The following HR variants were observed in gnomAD, a reference collection of about 807,000 sequenced individuals.
HR encodes the protein lysine-specific demethylase hairless.
A neutral mutation model predicts 128.6 loss-of-function variants in HR; 83 were observed. The ratio of observed to expected loss-of-function variants is 0.65; its 90% CI spans 0.54 to 0.77. The LOEUF is 0.77. HR is among the 30% of genes least tolerant of loss of function. The probability of loss-of-function intolerance (pLI) is 0.00; values close to 1 mark genes in which losing one functional copy is unlikely to be tolerated. For synonymous variants in HR, 681 were observed against 658.2 expected, an observed-to-expected ratio of 1.03 and a Z score of -0.53; for missense variants, 1,490 against 1,574.6, an observed-to-expected ratio of 0.95 and a Z score of 0.91.
At chr8:22,124,464 A>G (rs1826835341) in intron 5 of HR, among the ~76,000 whole-genome samples, 1 of 152,232 alleles carries the variant, frequency 6.6e-6, no homozygotes, top group Non-Finnish European at 1.5e-5. Flanking sequence ...GGTGTCGCTG[A>G]GTACAATTCA....
rs765559000 is a variant in HR at position 22,127,687 on chromosome 8, T to A, written c.755A>T (p.Asp252Val). Reference protein sequence around the residue: ...EAERPSLHQRDGEMGAGRQQN... With the variant: ...EAERPSLHQRVGEMGAGRQQN... Reference sequence around the variant, plus strand: ...CTGCCGGCCAGCTCCCATCTCTCCATCCCTCTGGTGCAGTGAAGGGCGTTC... The same window carrying A: ...CTGCCGGCCAGCTCCCATCTCTCCAACCCTCTGGTGCAGTGAAGGGCGTTC... Residue 252 changes from aspartate to valine, a missense_variant, in exon 3 of 19, where the codon GAT becomes GTT. Physicochemically the swap from Asp to Val is radical, Grantham distance 152 (BLOSUM62 -3). This residue lies in a region of HR where 1,060 missense variants were observed against 1,060.9 expected (regional missense o/e 1.00). Coordinates refer to ENST00000381418, the MANE Select transcript of HR (RefSeq NM_005144.5). The A allele has an allele frequency of 8.1e-6, 13 of 1,609,774 alleles. No individual in the cohort carries two copies. In the South Asian group the frequency reaches 1.3e-4, roughly 16 times the overall value.
intron 13 of HR, 51 bp downstream of exon 13, chr8:22,120,053 C>CG: frequency 6.4e-7 from 1 of 1,563,756 alleles, no homozygotes; most frequent in Non-Finnish European, 8.7e-7. Flanking sequence ...CTGAACCAGG[C>CG]GGGGCCTGCG....
chr8:22,117,907 T>C (rs1826632000), intron 16 of HR: 1 of 152,258 alleles, frequency 6.6e-6, no homozygotes, highest in Non-Finnish European at 1.5e-5. Flanking sequence ...TCCTTTGCCC[T>C]TGGAGATTCA....
intron 18 of HR, 92 bp from the exon 19 acceptor site, chr8:22,115,854 G>T: frequency 7.8e-7 from 1 of 1,276,466 alleles, no homozygotes; most frequent in Non-Finnish European, 1.1e-6. Flanking sequence ...ACTCTGGCCA[G>T]ATGCGGTGGC....
chr8:22,129,554 G>C (rs534642269), intron 1 of HR, among the ~76,000 whole-genome samples: 1 of 152,246 alleles, frequency 6.6e-6, no homozygotes, highest in African/African-American at 2.4e-5. Flanking sequence ...GAAGAAAAAG[G>C]CTGGATCCTG....
chr8:22,116,487 CT>C lies in HR; in HGVS notation c.3379-60del, dbSNP rs1189716230. On this transcript the variant is annotated intron_variant, in intron 17 of 18. Coordinates refer to ENST00000381418, the MANE Select transcript of HR (RefSeq NM_005144.5). The surrounding 1 kb of genome is among the most constrained non-coding windows in gnomAD (Gnocchi z 4.2). ...GATCACACATCCTCTCCCTGTCCCCCTGGTCCCTGAGGTTCGCTTCCTCTAA... is the reference window on the plus strand; with the variant it reads ...GATCACACATCCTCTCCCTGTCCCCCGGTCCCTGAGGTTCGCTTCCTCTAA... 5.7e-6 allele frequency: 9 copies of C among 1,582,646 alleles called. No individual in the cohort carries two copies. The Admixed American group carries it at 1.4e-4, about 25-fold the overall frequency.
intron 12 of HR, 81 bp from the exon 13 acceptor site, chr8:22,120,254 C>A (rs1239312730): frequency 6.2e-7 from 1 of 1,608,664 alleles, no homozygotes; most frequent in African/African-American, 1.3e-5. Context: ...TGCTTCCAGC[C>A]CCTCGGGGTC....
chr8:22,119,966 G>A lies in HR; in HGVS notation c.2847-76C>T, dbSNP rs1826693629. 27 of 1,607,276 alleles carry A rather than the reference G, an allele frequency of 1.7e-5. No homozygotes were observed. The South Asian group carries it at 2.5e-4, about 15-fold the overall frequency. ...CCCCATCAAAGCCCCACCACCACCG[G>A]GGTAACTCCCAGAGGGCAAACATGA... On this transcript the variant is annotated intron_variant, in intron 13 of 18. Transcript: ENST00000381418.
At chr8:22,124,583 G>A (rs1826838554) in intron 5 of HR, among the ~76,000 whole-genome samples, 1 of 152,232 alleles carries the variant, frequency 6.6e-6, no homozygotes, top group Non-Finnish European at 1.5e-5. Flanking sequence ...ATACAGCGAT[G>A]ACTGTGGCAC....
rs549424161 is a variant in HR, at chr8:22,127,136, G to C, written c.1306C>G (p.Pro436Ala). The C allele has an allele frequency of 2.0e-5, 32 of 1,612,182 alleles. No individual in the cohort carries two copies. The East Asian group carries it at 2.9e-4, about 15-fold the overall frequency. The change falls in exon 3 of 19, where the codon CCA (proline) becomes GCA (alanine). Residue 436 changes from proline to alanine, a missense_variant. Physicochemically the swap from Pro to Ala is conservative, Grantham distance 27 (BLOSUM62 -1). Around this residue, in one of 3 missense-constraint regions of HR, gnomAD observed 1,060 missense variants for 1,060.9 expected, o/e 1.00. Coordinates refer to ENST00000381418, the MANE Select transcript of HR (RefSeq NM_005144.5). ...CCAGCCCCCTGTTCTGCAGTGCCTG[G>C]AAAAGGGTCCGGTGGCCGCTTGGGG... ...PAPKRPPDPF[P>A]GTAEQGAGGW...
At position 22,115,641 on chromosome 8, in the gene HR, C is replaced by CTGAAG. The variant is rs1826566443; in HGVS notation, c.*58_*59insCTTCA. On this transcript the variant is annotated 3_prime_UTR_variant, in exon 19 of 19. Transcript: ENST00000381418. ...AGCGCCATCCCCTGCTGAAGTTGTG[C>CTGAAG]CTGGGCTGAGCACCTGGTCTACCTG... 4.0e-6 allele frequency: 6 copies of CTGAAG among 1,493,592 alleles called. No individual in the cohort carries two copies. Among genetic ancestry groups the CTGAAG allele is most frequent in the Non-Finnish European group, 4.7e-6 (5 of 1,071,156 alleles). 92.5% of individuals were successfully genotyped at this position (1,493,592 alleles called of 1,614,324 possible).
Position 22,121,133 on chromosome 8 carries a change from C to T in HR, c.2299G>A (p.Val767Ile). 1 of 1,613,924 alleles carries T rather than the reference C, an allele frequency of 6.2e-7. No homozygotes were observed. The highest frequency in any genetic ancestry group is 8.5e-7 in the Non-Finnish European group (1 of 1,180,032). ...SLCELLASTA[V>I]KLCLGHERIH... Reference sequence around the variant, plus strand: ...CGCTCATGGCCCAAGCAGAGTTTGACCGCGGTAGAAGCCAGCAGTTCGCAG... The same window carrying T: ...CGCTCATGGCCCAAGCAGAGTTTGATCGCGGTAGAAGCCAGCAGTTCGCAG... The change falls in exon 10 of 19, where the codon GTC becomes ATC. Residue 767 changes from valine to isoleucine, a missense_variant. Transcript: ENST00000381418.
rs1826978511 is a variant in HR at position 22,128,978 on chromosome 8, A to G, written c.193T>C (p.Phe65Leu). ...STPDSWLPPG[F>L]PQGPKDMLPL... ...AGCATGTCCTTGGGGCCCTGGGGGA[A>G]GCCAGGGGGAAGCCAGGAGTCTGGG... The change falls in exon 2 of 19, where the codon TTC becomes CTC. Residue 65 changes from phenylalanine (F) to leucine (L), a missense_variant. Transcript: ENST00000381418. 2.5e-6 allele frequency: 4 copies of G among 1,613,160 alleles called. No individual in the cohort carries two copies. The Admixed American group carries it at 6.7e-5, about 27-fold the overall frequency.
chr8:22,120,732 T>C lies in HR; in HGVS notation c.2594A>G (p.His865Arg), dbSNP rs1465641375. 4 of 1,504,414 alleles carry C rather than the reference T, an allele frequency of 2.7e-6. No individual in the cohort carries two copies. The highest frequency in any genetic ancestry group is 4.3e-4 in the Middle Eastern group (2 of 4,598). 93.2% of individuals were successfully genotyped at this position (1,504,414 alleles called of 1,614,324 possible). ...GTGCCTCACCTGGCCCTGCCTCCAG[T>C]GCTCCTGGAAGAGGTGGAAGCCACG... ...PRRGFHLFQE[H>R]WRQGQPVLVS... Residue 865 changes from histidine to arginine, a missense_variant, in exon 11 of 19, where the codon CAC becomes CGC. Physicochemically the swap from His to Arg is conservative, Grantham distance 29 (BLOSUM62 0). Around this residue, in one of 3 missense-constraint regions of HR, gnomAD observed 423 missense variants for 495.9 expected, o/e 0.85. Transcript: ENST00000381418.
chr8:22,123,885 G>A, intron 5 of HR, 72 bp from the exon 6 acceptor site: 9 of 1,513,092 alleles, frequency 5.9e-6, no homozygotes, highest in Non-Finnish European at 7.1e-6. Flanking sequence ...CACGTGGGAA[G>A]GATCCAAGGA....
In HR at chr8:22,120,760, G is replaced by T; in HGVS notation, c.2566C>A (p.Arg856=). 1 of 1,520,650 alleles carries T rather than the reference G, an allele frequency of 6.6e-7. No individual in the cohort carries two copies. Among genetic ancestry groups the T allele is most frequent in the Non-Finnish European group, 8.8e-7 (1 of 1,132,270 alleles). 94.2% of individuals were successfully genotyped at this position (1,520,650 alleles called of 1,614,324 possible). A position where few individuals can be genotyped will look rare whatever the true frequency, so the allele number is the denominator to read the frequency against. ...LWLQEPQPCP[R]RGFHLFQEHW... is the part of the protein sequence containing the mutation. ...TCCTGGAAGAGGTGGAAGCCACGCC[G>T]AGGGCAAGGCTGGGGCTCCTGCAGC... The change falls in exon 11 of 19, where the codon CGG becomes AGG. Residue 856 remains arginine, a synonymous_variant. Transcript: ENST00000381418.
Position 22,122,470 on chromosome 8 carries a change from C to A in HR, c.2121+23G>T, listed in dbSNP as rs146248234. On this transcript the variant is annotated intron_variant, in intron 8 of 18. Transcript: ENST00000381418. ...GCCATTTGCAGGCACGATACCCAAC[C>A]GGTGACATGCCCTGGGTCTTACCTG... The A allele has an allele frequency of 9.1e-4, 1,414 of 1,555,366 alleles. 21 individuals are homozygous for A. In the East Asian group the frequency reaches 0.028, roughly 31 times the overall value.
rs1476358266 is a variant in HR at position 22,120,345 on chromosome 8, C to G, written c.2773G>C (p.Glu925Gln). 6.2e-7 allele frequency: 1 copy of G among 1,613,796 alleles called. No individual in the cohort carries two copies. Among genetic ancestry groups the G allele is most frequent in the Non-Finnish European group, 8.5e-7 (1 of 1,180,014 alleles). ...CCCCTGTGTTGGGGACACTTACGCTCAGGCCAGGAGAAGCCCTCCCAGAAT... is the reference window on the plus strand; with the variant it reads ...CCCCTGTGTTGGGGACACTTACGCTGAGGCCAGGAGAAGCCCTCCCAGAAT... ...TTFWEGFSWP[E>Q]LRPKSDEGSV... is the part of the protein sequence containing the mutation. The change falls in exon 12 of 19, where the codon GAG becomes CAG. Residue 925 changes from glutamate to glutamine, a missense_variant. This residue lies in a region of HR where 423 missense variants were observed against 495.9 expected (regional missense o/e 0.85). Transcript: ENST00000381418.
intron 1 of HR, among the ~76,000 whole-genome samples, 198 bp downstream of exon 1, chr8:22,130,229 AG>A (rs1827014778): frequency 6.6e-6 from 1 of 152,212 alleles, no homozygotes; most frequent in African/African-American, 2.4e-5. Flanking sequence ...GTGACGGCGC[AG>A]TGGCAGAGGG....
Sources: gnomAD v4.1 joint callset for allele counts (sites outside exome capture counted in the v4.1 genomes callset) on GRCh38, gnomAD v4.1.1 for gene constraint, gnomAD v4.1.1 regional missense constraint, Gnocchi (gnomAD v3.1) non-coding constraint, MANE v1.5 for transcripts, NCBI Gene and HGNC (gene_info 2026-07-23, HGNC 2026-07-21) for gene names.